The following HNRNPC variants were observed in gnomAD, a reference collection of about 807,000 sequenced individuals.
HNRNPC encodes heterogeneous nuclear ribonucleoprotein C.
In HNRNPC, 3 loss-of-function variants were observed where a neutral mutation model predicts 33.2. That is an observed-to-expected ratio of 0.09 (90% CI 0.04 to 0.23). The LOEUF (loss-of-function observed/expected upper bound fraction) is 0.23, where lower values mean the gene tolerates loss of function less well. Among genes scored for constraint, HNRNPC ranks in the 10% least tolerant of loss-of-function variants. The probability of loss-of-function intolerance (pLI) is 1.00; values close to 1 mark genes in which losing one functional copy is unlikely to be tolerated. For synonymous variants in HNRNPC, 121 were observed against 126.7 expected (o/e 0.96, Z 0.30); for missense variants, 143 against 366.7 (o/e 0.39, Z 4.98).
Position 21,218,165 on chromosome 14 carries a change from G to A in HNRNPC, c.366-5048C>T, listed in dbSNP as rs1892403800. ...TTTAGTAGAGATGGGATTTCACCATGTTAGCCAGGCTGGTCATGAGCTCCT... is the reference window on the plus strand; with the variant it reads ...TTTAGTAGAGATGGGATTTCACCATATTAGCCAGGCTGGTCATGAGCTCCT... On this transcript the variant is annotated intron_variant, in intron 5 of 8. Transcript: ENST00000553300. Among the ~76,000 whole-genome samples the A allele has an allele frequency of 3.3e-5, 5 of 152,238 alleles. No homozygotes were observed. In the South Asian group the frequency reaches 1.0e-3, roughly 32 times the overall value.
intron 5 of HNRNPC, among the ~76,000 whole-genome samples, chr14:21,225,422 ACT>A (rs1893309785): frequency 6.7e-6 from 1 of 149,624 alleles, no homozygotes; most frequent in African/African-American, 2.4e-5. Context: ...ATAGAGCAAG[ACT>A]CTGTCTCAAA....
intron 1 of HNRNPC, chr14:21,264,954 C>T (rs1200445946): frequency 6.6e-6 from 1 of 152,176 alleles, no homozygotes; most frequent in African/African-American, 2.4e-5. Flanking sequence ...GAGTTCGAGG[C>T]TGCAGTGAGC....
chr14:21,237,959 C>T (rs1228323992), intron 2 of HNRNPC, among the ~76,000 whole-genome samples: 1 of 152,032 alleles, frequency 6.6e-6, no homozygotes, highest in Non-Finnish European at 1.5e-5. Context: ...TTAGCAAAGA[C>T]CAGGTTTCTC....
chr14:21,222,947 T>C (rs1892997186), intron 5 of HNRNPC, among the ~76,000 whole-genome samples: 1 of 151,616 alleles, frequency 6.6e-6, no homozygotes, highest in Non-Finnish European at 1.5e-5. Context: ...ACGCCTGTAA[T>C]CCTAGCACTT....
intron 1 of HNRNPC, chr14:21,268,678 A>G (rs1879425496): frequency 1.3e-5 from 2 of 152,228 alleles, no homozygotes; most frequent in Admixed American, 1.3e-4. Flanking sequence ...CCTGCAGATG[A>G]AAAGTCAGCT....
chr14:21,238,772 T>C (rs995179780), intron 2 of HNRNPC, among the ~76,000 whole-genome samples: 28 of 152,128 alleles, frequency 1.8e-4, no homozygotes, highest in Non-Finnish European at 1.9e-4. Context: ...TAGTATGTAA[T>C]AGTCGAATAA....
At chr14:21,251,209 C>A (rs191884797) in intron 2 of HNRNPC, among the ~76,000 whole-genome samples, 2 of 126,254 alleles carry the variant, frequency 1.6e-5, no homozygotes, top group Admixed American at 2.1e-4. Context: ...TGCAGTGAGC[C>A]GAGATCGCAC....
Position 21,209,177 on chromosome 14 carries a change from G to A in HNRNPC, c.*2046C>T, listed in dbSNP as rs1189768129. ...ATTTTATCAGGTATTTTAATGTAGA[G>A]ATGATTTAAAATATACAGGAGAATA... On this transcript the variant is annotated 3_prime_UTR_variant, in exon 9 of 9. Coordinates refer to ENST00000553300, the MANE Select transcript of HNRNPC (RefSeq NM_004500.4). 6.6e-6 allele frequency: 1 copy of A among 152,152 alleles called. No homozygotes were observed. The highest frequency in any genetic ancestry group is 1.5e-5 in the Non-Finnish European group (1 of 68,014). 9.4% of individuals were successfully genotyped at this position (152,152 alleles called of 1,614,324 possible).
At chr14:21,237,359 T>C (rs1466424184) in intron 2 of HNRNPC, among the ~76,000 whole-genome samples, 2 of 152,258 alleles carry the variant, frequency 1.3e-5, no homozygotes, top group African/African-American at 4.8e-5. Context: ...AAGTTCCGCT[T>C]CTATTGCATT....
At chr14:21,224,625 C>T (rs1893207452) in intron 5 of HNRNPC, among the ~76,000 whole-genome samples, 1 of 152,122 alleles carries the variant, frequency 6.6e-6, no homozygotes, top group Admixed American at 6.5e-5. Flanking sequence ...ACAATGTTTA[C>T]CATTTAACAC....
At chr14:21,231,795 T>TG (rs1209868724) in intron 3 of HNRNPC, among the ~76,000 whole-genome samples, 1 of 152,216 alleles carries the variant, frequency 6.6e-6, no homozygotes, top group Non-Finnish European at 1.5e-5. Context: ...GTTCACTCAG[T>TG]TACTATTACA....
chr14:21,218,712 A>G (rs1451256831), intron 5 of HNRNPC, among the ~76,000 whole-genome samples: 1 of 137,130 alleles, frequency 7.3e-6, no homozygotes, highest in Non-Finnish European at 1.6e-5. Context: ...AAAAAAACTG[A>G]AATTGAGTCA....
At chr14:21,261,733 A>G (rs1878284427) in intron 2 of HNRNPC, among the ~76,000 whole-genome samples, 1 of 152,202 alleles carries the variant, frequency 6.6e-6, no homozygotes, top group African/African-American at 2.4e-5. Context: ...CTGTCTCTAC[A>G]AAAAATAGAA....
intron 2 of HNRNPC, among the ~76,000 whole-genome samples, chr14:21,254,998 A>G (rs1353638203): frequency 6.6e-6 from 1 of 152,164 alleles, no homozygotes; most frequent in Non-Finnish European, 1.5e-5. Context: ...TGAATTCCAC[A>G]AACTTAAGGG....
At chr14:21,232,938 GA>G (rs1894276395) in intron 3 of HNRNPC, among the ~76,000 whole-genome samples, 1 of 151,808 alleles carries the variant, frequency 6.6e-6, no homozygotes, top group Non-Finnish European at 1.5e-5. Context: ...TCGGGAGGCT[GA>G]AACAGGACAA....
intron 1 of HNRNPC, among the ~76,000 whole-genome samples, chr14:21,266,889 G>A (rs1879076585): frequency 6.6e-6 from 1 of 151,572 alleles, no homozygotes; most frequent in Non-Finnish European, 1.5e-5. Context: ...TCAGGAGTTC[G>A]AGACCAGCCT....
At chr14:21,259,636 T>A (rs2139008065) in intron 2 of HNRNPC, among the ~76,000 whole-genome samples, 1 of 152,276 alleles carries the variant, frequency 6.6e-6, no homozygotes, top group Non-Finnish European at 1.5e-5. Flanking sequence ...CTTGTCCACC[T>A]TATCACATCC....
chr14:21,241,348 A>T (rs1895321715), intron 2 of HNRNPC, among the ~76,000 whole-genome samples: 1 of 152,032 alleles, frequency 6.6e-6, no homozygotes, highest in African/African-American at 2.4e-5. Flanking sequence ...AATTCTATAT[A>T]CTAAATATGC....
intron 3 of HNRNPC, 90 bp from the exon 4 acceptor site, chr14:21,231,162 T>C: frequency 7.7e-7 from 1 of 1,306,020 alleles, no homozygotes; most frequent in Non-Finnish European, 1.1e-6. Flanking sequence ...TGAGACATAG[T>C]TTCGCTTTCT....
Sources: allele counts gnomAD v4.1 joint callset (sites outside exome capture counted in the v4.1 genomes callset), GRCh38; gene constraint gnomAD v4.1.1; transcripts MANE v1.5; gene names NCBI Gene and HGNC (gene_info 2026-07-23, HGNC 2026-07-21).